Variants in BARD1 observed in about 807,000 individuals in gnomAD.
BARD1 encodes the protein BRCA1 associated RING domain 1, also known as BRCA1-associated RING domain protein 1.
BARD1 carries 73 observed loss-of-function variants against 77.0 expected under a neutral mutation model. The ratio of observed to expected loss-of-function variants is 0.95; its 90% CI spans 0.79 to 1.15. The LOEUF (loss-of-function observed/expected upper bound fraction) is 1.15, where lower values mean the gene tolerates loss of function less well. BARD1 is among the 50% of genes most tolerant of loss of function. The probability of loss-of-function intolerance (pLI) is 0.00; values close to 1 mark genes in which losing one functional copy is unlikely to be tolerated. For missense variants in BARD1, 993 were observed against 938.8 expected, an observed-to-expected ratio of 1.06 and a Z score of -0.75; for synonymous variants, 384 against 338.0, an observed-to-expected ratio of 1.14 and a Z score of -1.49.
chr2:214,743,393 T>C (rs577340319), intron 9 of BARD1, among the ~76,000 whole-genome samples: 1 of 152,358 alleles, frequency 6.6e-6, no homozygotes, highest in East Asian at 1.9e-4. Context: ...AGAGTTTCAA[T>C]AAATATACCC....
At chr2:214,770,558 C>T (rs1286223824) in intron 4 of BARD1, among the ~76,000 whole-genome samples, 1 of 152,174 alleles carries the variant, frequency 6.6e-6, no homozygotes, top group East Asian at 1.9e-4. Flanking sequence ...ACTCTGAAGG[C>T]AGACAATATT....
intron 9 of BARD1, among the ~76,000 whole-genome samples, chr2:214,736,867 T>C (rs1461580417): frequency 6.6e-6 from 1 of 152,168 alleles, no homozygotes; most frequent in Non-Finnish European, 1.5e-5. Context: ...TTACAATGAT[T>C]GAGTTAAACA....
rs1354779388 is a variant in BARD1 at position 214,809,413 on chromosome 2, A to T, written c.157T>A (p.Cys53Ser). The T allele has an allele frequency of 1.2e-6, 2 of 1,612,278 alleles. No homozygotes were observed. Among genetic ancestry groups the T allele is most frequent in the Non-Finnish European group, 1.7e-6 (2 of 1,179,828 alleles). The change falls in exon 1 of 11, where the codon TGT (cysteine) becomes AGT (serine). Residue 53 changes from cysteine (C) to serine (S), a missense_variant and splice_region_variant. Transcript: ENST00000260947. ...RLEKLLRCSR[C>S]TNILREPVCL... The stretch of plus-strand genomic sequence containing the variant: ...ACCCCCAAGAAGCTCCGTCTTTACC[A>T]ACGCGAGCAGCGCAGCAGCTTCTCC...
At chr2:214,751,070 T>C (rs1281210671) in intron 7 of BARD1, among the ~76,000 whole-genome samples, 1 of 126,724 alleles carries the variant, frequency 7.9e-6, no homozygotes, top group Non-Finnish European at 1.6e-5. Context: ...CACCTTTCTC[T>C]GTGAAATTCT....
In BARD1 at chr2:214,781,343, T is replaced by C. The variant is rs774050888; in HGVS notation, c.531A>G (p.Gln177=). The change falls in exon 4 of 11, where the codon CAA becomes CAG. Residue 177 remains glutamine, a synonymous_variant. Transcript: ENST00000260947. ...PAIKKDASAQ[Q]DSYEFVSPSP... Reference sequence around the variant, plus strand: ...TTGGGGAAACAAATTCATATGAGTCTTGCTGAGCACTTGCATCTTTTTTTA... The same window carrying C: ...TTGGGGAAACAAATTCATATGAGTCCTGCTGAGCACTTGCATCTTTTTTTA... 2.4e-5 allele frequency: 38 copies of C among 1,613,668 alleles called. No homozygotes were observed. The highest frequency in any genetic ancestry group is 2.9e-5 in the Non-Finnish European group (34 of 1,179,926).
chr2:214,805,017 C>T (rs545329383), intron 1 of BARD1, among the ~76,000 whole-genome samples: 262 of 152,098 alleles, frequency 1.7e-3, no homozygotes, highest in African/African-American at 6.0e-3. Context: ...AAAAATTAGC[C>T]GGGTTTGGTG....
intron 1 of BARD1, among the ~76,000 whole-genome samples, chr2:214,803,829 G>A (rs1696143149): frequency 6.6e-6 from 1 of 152,168 alleles, no homozygotes. Flanking sequence ...ACCCACAGGT[G>A]TGGAGGGGCA....
intron 6 of BARD1, among the ~76,000 whole-genome samples, chr2:214,766,807 TA>T (rs888981751): frequency 1.1e-4 from 17 of 152,224 alleles, no homozygotes; most frequent in African/African-American, 4.1e-4. Flanking sequence ...ATCGTAGTGT[TA>T]TTTTTTTTCC....
At chr2:214,798,221 C>A (rs544846709) in intron 1 of BARD1, among the ~76,000 whole-genome samples, 2 of 149,388 alleles carry the variant, frequency 1.3e-5, no homozygotes, top group South Asian at 4.2e-4. Context: ...TTGCGAAAAA[C>A]AGTACACACC....
intron 5 of BARD1, among the ~76,000 whole-genome samples, chr2:214,768,166 G>C (rs1694305821): frequency 6.6e-6 from 1 of 152,174 alleles, no homozygotes; most frequent in African/African-American, 2.4e-5. Context: ...TACAAAAAGA[G>C]CTTGCTGAAT....
At position 214,807,776 on chromosome 2, in the gene BARD1, C is replaced by A. The variant is rs1054131065; in HGVS notation, c.158+1636G>T. Among the ~76,000 whole-genome samples, 8 of 152,290 alleles carry A rather than the reference C, an allele frequency of 5.3e-5. No individual in the cohort carries two copies. The East Asian group carries it at 1.3e-3, about 26-fold the overall frequency. On this transcript the variant is annotated intron_variant, in intron 1 of 10. Transcript: ENST00000260947. ...CTTGGCCTACTCAATAGTGTCAAAG[C>A]TAGAACCTGAACTCAGGCATTCTGA...
intron 9 of BARD1, among the ~76,000 whole-genome samples, chr2:214,744,212 G>C (rs1485928337): frequency 7.9e-5 from 12 of 152,102 alleles, no homozygotes; most frequent in Admixed American, 7.9e-4. Context: ...GGTGATGGTG[G>C]GTTGACTATC....
intron 4 of BARD1, among the ~76,000 whole-genome samples, chr2:214,778,420 T>C (rs1042552698): frequency 1.3e-4 from 20 of 152,090 alleles, no homozygotes; most frequent in African/African-American, 4.8e-4. Flanking sequence ...GTGACAATAA[T>C]TGCATTTAAT....
chr2:214,736,120 G>T (rs993799877), intron 9 of BARD1, among the ~76,000 whole-genome samples: 4 of 151,560 alleles, frequency 2.6e-5, no homozygotes, highest in African/African-American at 9.7e-5. Context: ...CTCTAAAAAA[G>T]GCATAAATTT....
chr2:214,751,132 TATATATATATATATATA>T (rs1693408846), intron 7 of BARD1, among the ~76,000 whole-genome samples: 7 of 29,250 alleles, frequency 2.4e-4, no homozygotes, highest in Admixed American at 6.5e-4. Context: ...TATATATATA[TATATATATATATATATA>T]TATTTTTTTT....
At position 214,780,562 on chromosome 2, in the gene BARD1, T is replaced by G; in HGVS notation, c.1312A>C (p.Lys438Gln). 6.2e-7 allele frequency: 1 copy of G among 1,613,278 alleles called. No homozygotes were observed. The highest frequency in any genetic ancestry group is 8.5e-7 in the Non-Finnish European group (1 of 1,179,334). The change falls in exon 4 of 11, where the codon AAG (lysine) becomes CAG (glutamine). Residue 438 changes from lysine to glutamine, a missense_variant and splice_region_variant. By Grantham distance (53) the Lys-to-Gln change is moderately conservative. Coordinates refer to ENST00000260947, the MANE Select transcript of BARD1 (RefSeq NM_000465.4). ...GTATTTCAGAGTAAGCATCCTACCTTAATAGAAGCAATATGGAGCAAAGTC... is the reference window on the plus strand; with the variant it reads ...GTATTTCAGAGTAAGCATCCTACCTGAATAGAAGCAATATGGAGCAAAGTC... The part of the protein sequence containing the change: ...GETLLHIASI[K>Q]GDIPSVEYLL...
At chr2:214,731,755 C>T (rs1296101080) in intron 9 of BARD1, among the ~76,000 whole-genome samples, 1 of 152,156 alleles carries the variant, frequency 6.6e-6, no homozygotes, top group Non-Finnish European at 1.5e-5. Context: ...TATTATTCAC[C>T]TATGCGTTCT....
intron 9 of BARD1, chr2:214,731,142 A>AT: frequency 4.6e-6 from 1 of 215,832 alleles, no homozygotes; most frequent in South Asian, 6.7e-5. Context: ...TGCAGGAAAA[A>AT]AAAAAGCATT....
intron 1 of BARD1, among the ~76,000 whole-genome samples, chr2:214,803,627 T>C (rs969965394): frequency 1.3e-5 from 2 of 152,172 alleles, no homozygotes; most frequent in Admixed American, 6.5e-5. Flanking sequence ...CCCACTATTG[T>C]CTTGTGACCC....
Sources: gnomAD v4.1 joint callset for allele counts (sites outside exome capture counted in the v4.1 genomes callset) on GRCh38, gnomAD v4.1.1 for gene constraint, MANE v1.5 for transcripts, NCBI Gene and HGNC (gene_info 2026-07-23, HGNC 2026-07-21) for gene names.